EPHB2: variants seen among roughly 807,000 people sequenced by gnomAD.
EPHB2 encodes the protein ephrin type-B receptor 2.
Under a neutral mutation model 96.4 loss-of-function variants are expected in EPHB2, and 18 were observed. The observed-to-expected ratio is 0.19, with a 90% confidence interval of 0.13 to 0.28. The LOEUF is 0.28. Among genes scored for constraint, EPHB2 ranks in the 10% least tolerant of loss-of-function variants. EPHB2 has a pLI of 1.00. For synonymous variants in EPHB2, 506 were observed against 534.1 expected, an observed-to-expected ratio of 0.95 and a Z score of 0.72; for missense variants, 989 against 1,355.4, an observed-to-expected ratio of 0.73 and a Z score of 4.25.
At chr1:22,746,159 C>A (rs1273327841) in intron 1 of EPHB2, among the ~76,000 whole-genome samples, 1 of 152,148 alleles carries the variant, frequency 6.6e-6, no homozygotes, top group African/African-American at 2.4e-5. Flanking sequence ...CCCTATGGAC[C>A]TTGCAGCCTC....
chr1:22,843,080 G>A (rs964987603), intron 3 of EPHB2, among the ~76,000 whole-genome samples: 1 of 152,160 alleles, frequency 6.6e-6, no homozygotes, highest in African/African-American at 2.4e-5. Context: ...GTAGGGTATC[G>A]TATCTGTTGA....
At chr1:22,812,600 G>T (rs1171178563) in intron 3 of EPHB2, among the ~76,000 whole-genome samples, 1 of 152,192 alleles carries the variant, frequency 6.6e-6, no homozygotes, top group Non-Finnish European at 1.5e-5. Flanking sequence ...CAGCCAGAGG[G>T]AGAGGGACGT....
At chr1:22,862,570 A>G (rs1036532990) in intron 3 of EPHB2, among the ~76,000 whole-genome samples, 4 of 152,218 alleles carry the variant, frequency 2.6e-5, no homozygotes, top group South Asian at 4.1e-4. Flanking sequence ...GTCCTCCTCT[A>G]TTCTACCACA....
intron 1 of EPHB2, among the ~76,000 whole-genome samples, chr1:22,765,974 G>A (rs934636788): frequency 2.6e-5 from 4 of 152,200 alleles, no homozygotes; most frequent in East Asian, 1.9e-4. Context: ...GAGGCTCAGG[G>A]AGGATTCCTT....
intron 9 of EPHB2, among the ~76,000 whole-genome samples, chr1:22,897,962 G>T (rs1462264402): frequency 6.6e-6 from 1 of 151,816 alleles, no homozygotes; most frequent in Non-Finnish European, 1.5e-5. Context: ...AATTAGCTGG[G>T]TGTGGTCATG....
At chr1:22,878,947 C>T (rs911601111) in intron 5 of EPHB2, among the ~76,000 whole-genome samples, 1 of 152,208 alleles carries the variant, frequency 6.6e-6, no homozygotes, top group Non-Finnish European at 1.5e-5. Flanking sequence ...TAATGTAACA[C>T]ATATCAACGT....
At chr1:22,786,011 A>T (rs960304864) in intron 3 of EPHB2, among the ~76,000 whole-genome samples, 2 of 152,248 alleles carry the variant, frequency 1.3e-5, no homozygotes, top group African/African-American at 4.8e-5. Flanking sequence ...TTAAGTAAGT[A>T]TAAGTGGTGT....
chr1:22,850,803 G>C (rs958570816), intron 3 of EPHB2, among the ~76,000 whole-genome samples: 2 of 152,150 alleles, frequency 1.3e-5, no homozygotes, highest in African/African-American at 2.4e-5. Flanking sequence ...ATGGAACCAG[G>C]ACTTGAACCA....
intron 3 of EPHB2, among the ~76,000 whole-genome samples, chr1:22,851,154 C>G (rs1486760223): frequency 1.3e-5 from 2 of 152,098 alleles, no homozygotes; most frequent in African/African-American, 2.4e-5. Flanking sequence ...GCCACCACGC[C>G]CAGCTCATTT....
rs1272962368 is a variant in EPHB2, at chr1:22,882,393, C to A, written c.1338C>A (p.Ser446Arg). Residue 446 changes from serine (S) to arginine (R), a missense_variant, in exon 6 of 16, where the codon AGC becomes AGA. By Grantham distance (110) the Ser-to-Arg change is moderately radical (BLOSUM62 -1). Transcript: ENST00000374630. The part of the protein sequence containing the change: ...PSAVSIMHQV[S>R]RTVDSITLSW... ...CAGTGTCCATCATGCATCAGGTGAG[C>A]CGCACCGTGGACAGCATTACCCTGT... 6.2e-7 allele frequency: 1 copy of A among 1,614,146 alleles called. No homozygotes were observed. The highest frequency in any genetic ancestry group is 1.1e-5 in the South Asian group (1 of 91,082).
At chr1:22,878,509 G>A (rs898827190) in intron 5 of EPHB2, among the ~76,000 whole-genome samples, 1 of 152,104 alleles carries the variant, frequency 6.6e-6, no homozygotes, top group Non-Finnish European at 1.5e-5. Flanking sequence ...TCATGTGGTT[G>A]GCATCATAGC....
At chr1:22,769,559 C>G (rs1371966005) in intron 1 of EPHB2, among the ~76,000 whole-genome samples, 2 of 152,088 alleles carry the variant, frequency 1.3e-5, no homozygotes, top group Non-Finnish European at 2.9e-5. Flanking sequence ...AGACATGCAC[C>G]ACCACACCCA....
At chr1:22,843,567 G>T (rs1019921108) in intron 3 of EPHB2, among the ~76,000 whole-genome samples, 1 of 151,928 alleles carries the variant, frequency 6.6e-6, no homozygotes, top group Non-Finnish European at 1.5e-5. Context: ...TGGAGACTTA[G>T]TCTCACTCTG....
chr1:22,766,612 G>A (rs1329012407), intron 1 of EPHB2, among the ~76,000 whole-genome samples: 1 of 152,160 alleles, frequency 6.6e-6, no homozygotes, highest in South Asian at 2.1e-4. Context: ...GCAGTCCTAT[G>A]GTGGTTGGGG....
chr1:22,780,472 G>A (rs911275654), intron 1 of EPHB2, among the ~76,000 whole-genome samples: 2 of 152,314 alleles, frequency 1.3e-5, no homozygotes, highest in East Asian at 1.9e-4. Context: ...AGCCCTGGGG[G>A]AGGGGCCCCA....
rs115319835 is a variant in EPHB2 at position 22,882,568 on chromosome 1, C to G, written c.1428+85C>G. On this transcript the variant is annotated intron_variant, in intron 6 of 15. Transcript: ENST00000374630. The stretch of plus-strand genomic sequence containing the variant: ...CTGAGGCCTGGGAGTTCTGCCCCAC[C>G]GCAAGATGAGACGCACTGGTGCAGC... The G allele has an allele frequency of 5.0e-6, 8 of 1,593,136 alleles. No individual in the cohort carries two copies. In the East Asian group the frequency reaches 9.1e-5, roughly 18 times the overall value.
intron 1 of EPHB2, among the ~76,000 whole-genome samples, chr1:22,777,219 C>T (rs540542404): frequency 6.6e-6 from 1 of 152,268 alleles, no homozygotes; most frequent in African/African-American, 2.4e-5. Context: ...CGGAGTGAGA[C>T]GGCCAGTCTC....
At chr1:22,874,089 T>C (rs975001256) in intron 5 of EPHB2, among the ~76,000 whole-genome samples, 6 of 152,150 alleles carry the variant, frequency 3.9e-5, no homozygotes, top group East Asian at 1.9e-4. Context: ...CACCACCTTT[T>C]CTCACCTTCA....
chr1:22,717,343 C>T (rs72879156), intron 1 of EPHB2, among the ~76,000 whole-genome samples: 2,174 of 152,196 alleles, frequency 0.014, 61 homozygotes, highest in African/African-American at 0.049. Flanking sequence ...CATTTTAGGG[C>T]CTTTTAAAGC....
Sources: gnomAD v4.1 joint callset for allele counts (sites outside exome capture counted in the v4.1 genomes callset) on GRCh38, gnomAD v4.1.1 for gene constraint, MANE v1.5 for transcripts, NCBI Gene and HGNC (gene_info 2026-07-23, HGNC 2026-07-21) for gene names.